Variants in SHC3 observed in about 807,000 individuals in gnomAD.
SHC3 encodes SHC-transforming protein 3.
Under a neutral mutation model 60.4 loss-of-function variants are expected in SHC3, and 15 were observed. The observed-to-expected ratio is 0.25, with a 90% confidence interval of 0.17 to 0.38. SHC3 has a LOEUF of 0.38. Ranked by LOEUF, SHC3 falls within the 10% of genes least tolerant of loss-of-function variation. The pLI is 1.00. For missense variants in SHC3, 677 were observed against 786.1 expected, an observed-to-expected ratio of 0.86 and a Z score of 1.66; for synonymous variants, 294 against 325.9, an observed-to-expected ratio of 0.90 and a Z score of 1.05.
intron 5 of SHC3, among the ~76,000 whole-genome samples, chr9:89,068,859 A>C (rs1825224747): frequency 6.6e-6 from 1 of 152,232 alleles, no homozygotes; most frequent in Non-Finnish European, 1.5e-5. Flanking sequence ...CTGTTAATGC[A>C]AATATACAAG....
At chr9:89,050,726 T>C (rs34637818) in intron 7 of SHC3, among the ~76,000 whole-genome samples, 13,039 of 152,278 alleles carry the variant, frequency 0.086, 695 homozygotes, top group Admixed American at 0.12. Flanking sequence ...AATTTTGAGA[T>C]TTATGCTGGT....
intron 11 of SHC3, among the ~76,000 whole-genome samples, chr9:89,029,971 A>T (rs1319513890): frequency 6.6e-6 from 1 of 152,208 alleles, no homozygotes; most frequent in Non-Finnish European, 1.5e-5. Context: ...ATCAAAAGGC[A>T]GAGATTTTCA....
intron 11 of SHC3, among the ~76,000 whole-genome samples, chr9:89,035,852 T>TATATATA (rs372898972): frequency 2.4e-5 from 2 of 82,122 alleles, no homozygotes; most frequent in African/African-American, 5.9e-5. Flanking sequence ...TATATATAGA[T>TATATATA]GTGTGTGTGT....
At chr9:89,044,259 C>G (rs543503404) in intron 9 of SHC3, among the ~76,000 whole-genome samples, 1 of 152,334 alleles carries the variant, frequency 6.6e-6, no homozygotes, top group East Asian at 1.9e-4. Flanking sequence ...AAATGTCCCT[C>G]TGGCAAAGTT....
At chr9:89,034,091 A>G (rs961560147) in intron 11 of SHC3, among the ~76,000 whole-genome samples, 1 of 152,244 alleles carries the variant, frequency 6.6e-6, no homozygotes, top group Non-Finnish European at 1.5e-5. Context: ...GGATTACAAC[A>G]TCAGAAAAAT....
At chr9:89,155,554 C>T (rs1343683786) in intron 1 of SHC3, among the ~76,000 whole-genome samples, 1 of 152,174 alleles carries the variant, frequency 6.6e-6, no homozygotes, top group Non-Finnish European at 1.5e-5. Flanking sequence ...CCTGCTACCA[C>T]CAGCCAATAT....
At chr9:89,035,862 T>TATATA (rs1491088730) in intron 11 of SHC3, among the ~76,000 whole-genome samples, 2,612 of 104,100 alleles carry the variant, frequency 0.025, 68 homozygotes, top group East Asian at 0.059. Flanking sequence ...TGTGTGTGTG[T>TATATA]GTGTGTGTGT....
At chr9:89,016,569 G>A (rs1826097785) in intron 11 of SHC3, among the ~76,000 whole-genome samples, 6 of 152,034 alleles carry the variant, frequency 3.9e-5, no homozygotes, top group Admixed American at 3.9e-4. Context: ...GCCTAGATGG[G>A]TTCACTAGTG....
chr9:89,112,070 T>C (rs964769778), intron 2 of SHC3, among the ~76,000 whole-genome samples: 2 of 152,202 alleles, frequency 1.3e-5, no homozygotes, highest in Non-Finnish European at 2.9e-5. Context: ...CAAAACCTGT[T>C]CAAAGTCACA....
chr9:89,041,990 A>G (rs754804192), intron 10 of SHC3, 36 bp downstream of exon 10: 1 of 1,612,630 alleles, frequency 6.2e-7, no homozygotes, highest in South Asian at 1.1e-5. Context: ...AAGCAACCTC[A>G]AAAGAAAAGA....
intron 1 of SHC3, among the ~76,000 whole-genome samples, chr9:89,145,792 A>C (rs372977267): frequency 8.7e-4 from 132 of 152,380 alleles, no homozygotes; most frequent in African/African-American, 3.1e-3. Context: ...ATAGGGGATT[A>C]GTATTAGATA....
chr9:89,064,165 A>G (rs115699774), intron 6 of SHC3, among the ~76,000 whole-genome samples: 7 of 152,326 alleles, frequency 4.6e-5, no homozygotes, highest in Admixed American at 2.0e-4. Context: ...ATCACCTTCA[A>G]TTGGGGCCTT....
intron 11 of SHC3, among the ~76,000 whole-genome samples, chr9:89,027,954 C>T (rs769651854): frequency 3.3e-5 from 5 of 152,226 alleles, no homozygotes; most frequent in Admixed American, 6.5e-5. Flanking sequence ...CTCCCAACTC[C>T]TTACAGACAA....
Position 89,038,130 on chromosome 9 carries a change from T to G in SHC3, c.1519A>C (p.Lys507Gln). 2 of 1,614,082 alleles carry G rather than the reference T, an allele frequency of 1.2e-6. No individual in the cohort carries two copies. The highest frequency in any genetic ancestry group is 1.7e-6 in the Non-Finnish European group (2 of 1,180,010). Residue 507 changes from lysine to glutamine, a missense_variant, in exon 11 of 12, where the codon AAG (lysine) becomes CAG (glutamine). Transcript: ENST00000375835. ...TTCTCCAGCAGCCCCTCTGCCTCCT[T>G]CCTGCTCATCTCTCCTTGGTACCAA... Reference protein sequence around the residue: ...ETWYQGEMSRKEAEGLLEKDG... With the variant: ...ETWYQGEMSRQEAEGLLEKDG...
intron 5 of SHC3, among the ~76,000 whole-genome samples, chr9:89,070,482 C>T (rs756741283): frequency 1.4e-4 from 21 of 152,148 alleles, no homozygotes; most frequent in African/African-American, 2.4e-5. Context: ...CGCCCTGTCC[C>T]GGGAGCGGGA....
intron 9 of SHC3, among the ~76,000 whole-genome samples, chr9:89,045,334 G>A (rs573258012): frequency 1.3e-5 from 2 of 148,760 alleles, no homozygotes; most frequent in East Asian, 4.0e-4. Flanking sequence ...AGGCTGGAGC[G>A]CAATGGCATC....
At chr9:89,049,901 G>A (rs72618184) in intron 7 of SHC3, among the ~76,000 whole-genome samples, 1 of 151,874 alleles carries the variant, frequency 6.6e-6, no homozygotes, top group Non-Finnish European at 1.5e-5. Flanking sequence ...CTTCCACTAC[G>A]TGGCTGCCCT....
intron 1 of SHC3, among the ~76,000 whole-genome samples, chr9:89,134,338 A>G (rs1826290905): frequency 6.6e-6 from 1 of 152,248 alleles, no homozygotes; most frequent in East Asian, 1.9e-4. Flanking sequence ...TAATTGTTAA[A>G]AAGATTCTTT....
Position 89,038,131 on chromosome 9 carries a change from C to T in SHC3, c.1518G>A (p.Arg506=). Residue 506 remains arginine (R), a synonymous_variant, in exon 11 of 12, where the codon AGG becomes AGA. Coordinates refer to ENST00000375835, the MANE Select transcript of SHC3 (RefSeq NM_016848.6). Reference sequence around the variant, plus strand: ...TCTCCAGCAGCCCCTCTGCCTCCTTCCTGCTCATCTCTCCTTGGTACCAAG... The same window carrying T: ...TCTCCAGCAGCCCCTCTGCCTCCTTTCTGCTCATCTCTCCTTGGTACCAAG... ...AETWYQGEMS[R]KEAEGLLEKD... is the part of the protein sequence containing the mutation. 6.2e-7 allele frequency: 1 copy of T among 1,614,162 alleles called. No individual in the cohort carries two copies. Among genetic ancestry groups the T allele is most frequent in the Middle Eastern group, 1.6e-4 (1 of 6,062 alleles).
Sources: allele counts gnomAD v4.1 joint callset (sites outside exome capture counted in the v4.1 genomes callset), GRCh38; gene constraint gnomAD v4.1.1; transcripts MANE v1.5; gene names NCBI Gene and HGNC (gene_info 2026-07-23, HGNC 2026-07-21).